ZZEF1: variants seen among roughly 807,000 people sequenced by gnomAD.
The protein encoded by ZZEF1 is zinc finger ZZ-type and EF-hand domain containing 1.
In ZZEF1, 157 loss-of-function variants were observed where a neutral mutation model predicts 342.8. The observed-to-expected ratio is 0.46, with a 90% CI of 0.40 to 0.52. The LOEUF (loss-of-function observed/expected upper bound fraction) is 0.52, where lower values mean the gene tolerates loss of function less well. Among genes scored for constraint, ZZEF1 ranks in the 20% least tolerant of loss-of-function variants. ZZEF1 has a pLI of 0.00. For synonymous variants in ZZEF1, 1,505 were observed against 1,429.1 expected (o/e 1.05, Z -1.20); for missense variants, 3,480 against 3,725.6 (o/e 0.93, Z 1.72).
rs2057725863 is a variant in ZZEF1 at position 4,081,621 on chromosome 17, GGAAT to G, written c.2715-135_2715-132del. On this transcript the variant is annotated intron_variant, in intron 17 of 54. Transcript: ENST00000381638. ...CATGGGATGGGAGGAGTTTGGGTCAGGAATACAGGCTGTGGACCCAGCTGGGGCT... is the reference window on the plus strand; with the variant it reads ...CATGGGATGGGAGGAGTTTGGGTCAGACAGGCTGTGGACCCAGCTGGGGCT... 3.0e-5 allele frequency: 22 copies of G among 730,426 alleles called. No homozygotes were observed. In the South Asian group the frequency reaches 3.9e-4, roughly 13 times the overall value. 45.2% of individuals were successfully genotyped at this position (730,426 alleles called of 1,614,324 possible).
rs761611376 is a variant in ZZEF1 at position 4,076,952 on chromosome 17, C to T, written c.3027G>A (p.Leu1009=). The change falls in exon 20 of 55, where the codon TTG becomes TTA. Residue 1009 remains leucine, a synonymous_variant. Coordinates refer to ENST00000381638, the MANE Select transcript of ZZEF1 (RefSeq NM_015113.4). ...CACTGTACTGTGAGAAAAGGGATTCCAAAATCGCTCTCATGCTTGCCAGAA... is the reference window on the plus strand; with the variant it reads ...CACTGTACTGTGAGAAAAGGGATTCTAAAATCGCTCTCATGCTTGCCAGAA... ...GQFLASMRAI[L]ESLFSQYSGK... is the part of the protein sequence containing the mutation. 2 of 1,613,996 alleles carry T rather than the reference C, an allele frequency of 1.2e-6. No individual in the cohort carries two copies. The highest frequency in any genetic ancestry group is 2.7e-5 in the African/African-American group (2 of 75,028).
At chr17:4,029,187 T>C (rs973931000) in intron 42 of ZZEF1, among the ~76,000 whole-genome samples, 3 of 152,090 alleles carry the variant, frequency 2.0e-5, no homozygotes, top group African/African-American at 7.2e-5. Context: ...ACATGGAAAC[T>C]CCATGAAAAC....
intron 1 of ZZEF1, among the ~76,000 whole-genome samples, chr17:4,131,854 A>C (rs1262044760): frequency 6.6e-6 from 1 of 152,204 alleles, no homozygotes; most frequent in Non-Finnish European, 1.5e-5. Context: ...TAATAAGGTA[A>C]AGGTCAAAGG....
At chr17:4,088,984 C>G in intron 12 of ZZEF1, 91 bp from the exon 13 acceptor site, 2 of 1,230,856 alleles carry the variant, frequency 1.6e-6, no homozygotes, top group Non-Finnish European at 2.3e-6. Context: ...GAAGGTCTTC[C>G]TATGATTTTC....
intron 1 of ZZEF1, among the ~76,000 whole-genome samples, chr17:4,138,896 T>C (rs2058796776): frequency 6.6e-6 from 1 of 152,244 alleles, no homozygotes. Context: ...GAGTCCCTTC[T>C]CCCTGGACCA....
rs995720241 is a variant in ZZEF1 at position 4,088,726 on chromosome 17, C to T, written c.2193G>A (p.Thr731=). 20 of 1,614,202 alleles carry T rather than the reference C, an allele frequency of 1.2e-5. No individual in the cohort carries two copies. Among genetic ancestry groups the T allele is most frequent in the East Asian group, 4.5e-5 (2 of 44,888 alleles). ...TAAACTGAAGGGTCCTGAGGAGCAA[C>T]GTGGCCCCACAGACACTCTCCTCTG... ...KDTEESVCGA[T]LLLRTLQFIQ... The change falls in exon 13 of 55, where the codon ACG becomes ACA. Residue 731 remains threonine (T), a synonymous_variant. Transcript: ENST00000381638.
In ZZEF1 at chr17:4,051,860, T is replaced by C. The variant is rs920468270; in HGVS notation, c.5600+111A>G. 15 of 1,138,892 alleles carry C rather than the reference T, an allele frequency of 1.3e-5. No individual in the cohort carries two copies. The East Asian group carries it at 3.4e-4, about 26-fold the overall frequency. 70.5% of individuals were successfully genotyped at this position (1,138,892 alleles called of 1,614,324 possible). On this transcript the variant is annotated intron_variant, in intron 35 of 54. Transcript: ENST00000381638. Reference sequence around the variant, plus strand: ...GTGTTAGTCTCTTTACTTTTGGTTATGTTTAAATTTTTAAATAAAAAAAAC... The same window carrying C: ...GTGTTAGTCTCTTTACTTTTGGTTACGTTTAAATTTTTAAATAAAAAAAAC...
rs566404821 is a variant in ZZEF1, at chr17:4,120,083, G to A, written c.500-2917C>T. On this transcript the variant is annotated intron_variant, in intron 2 of 54. Transcript: ENST00000381638. ...AAATTCTGTTCCTCAAAGACCAGGC[G>A]CAGTAGCTCATGCCTGTAATCCCAG... is the stretch of plus-strand genomic sequence containing the variant. Among the ~76,000 whole-genome samples the A allele has an allele frequency of 3.3e-5, 5 of 152,256 alleles. No individual in the cohort carries two copies. In the East Asian group the frequency reaches 7.7e-4, roughly 24 times the overall value.
intron 8 of ZZEF1, among the ~76,000 whole-genome samples, chr17:4,103,981 C>A (rs2058168886): frequency 6.6e-6 from 1 of 152,166 alleles, no homozygotes; most frequent in South Asian, 2.1e-4. Context: ...AGACCCAACA[C>A]CACATATTGT....
At chr17:4,035,459 T>C (rs2056639194) in intron 39 of ZZEF1, among the ~76,000 whole-genome samples, 2 of 152,032 alleles carry the variant, frequency 1.3e-5, no homozygotes, top group Admixed American at 1.3e-4. Context: ...GGAGGCCACA[T>C]GGTGTCAGAA....
rs1470805177 is a variant in ZZEF1 at position 4,064,412 on chromosome 17, A to C, written c.4667T>G (p.Val1556Gly). Reference sequence around the variant, plus strand: ...AATGAAGTCCATGACGTCCTTCAGCACAGGGTATTTCTCTTTCACTGTGGG... The same window carrying C: ...AATGAAGTCCATGACGTCCTTCAGCCCAGGGTATTTCTCTTTCACTGTGGG... ...LVPTVKEKYP[V>G]LKDVMDFIKD... The change falls in exon 29 of 55, where the codon GTG becomes GGG. Residue 1556 changes from valine to glycine, a missense_variant. This residue lies in a region of ZZEF1 where 1,528 missense variants were observed against 1,624.1 expected (regional missense o/e 0.94). Coordinates refer to ENST00000381638, the MANE Select transcript of ZZEF1 (RefSeq NM_015113.4). 6 of 1,612,100 alleles carry C rather than the reference A, an allele frequency of 3.7e-6. No homozygotes were observed. In the African/African-American group the frequency reaches 5.3e-5, roughly 14 times the overall value.
intron 21 of ZZEF1, chr17:4,076,425 G>A (rs569278206): frequency 4.9e-5 from 23 of 472,856 alleles, no homozygotes; most frequent in Admixed American, 1.1e-4. Flanking sequence ...GAGCCACTGC[G>A]CCCGGCCTCT....
chr17:4,020,193 G>C (rs189827438), intron 45 of ZZEF1, among the ~76,000 whole-genome samples: 5 of 152,316 alleles, frequency 3.3e-5, no homozygotes, highest in Admixed American at 3.3e-4. Context: ...GCAGTGGTGT[G>C]ATCATAGCTC....
Position 4,104,828 on chromosome 17 carries a change from A to G in ZZEF1, c.1395-17T>C. 6.2e-7 allele frequency: 1 copy of G among 1,605,622 alleles called. No individual in the cohort carries two copies. Among genetic ancestry groups the G allele is most frequent in the Non-Finnish European group, 8.5e-7 (1 of 1,177,094 alleles). ...GAACAGCAGCTATAAGCAAAGAGCA[A>G]AAACTTTTCACTTCTTAAAAACATG... On this transcript the variant is annotated splice_polypyrimidine_tract_variant and intron_variant, in intron 7 of 54. Coordinates refer to ENST00000381638, the MANE Select transcript of ZZEF1 (RefSeq NM_015113.4).
intron 26 of ZZEF1, among the ~76,000 whole-genome samples, 198 bp downstream of exon 26, chr17:4,070,486 G>C (rs913943154): frequency 2.6e-5 from 4 of 152,176 alleles, no homozygotes; most frequent in African/African-American, 9.7e-5. Context: ...CTCAAGGTTA[G>C]GTGCCACACA....
At chr17:4,121,075 G>C (rs2058475086) in intron 2 of ZZEF1, among the ~76,000 whole-genome samples, 1 of 152,190 alleles carries the variant, frequency 6.6e-6, no homozygotes, top group African/African-American at 2.4e-5. Context: ...TGAGTAGGAA[G>C]TCCTAAGTCA....
chr17:4,047,821 G>A (rs1445937521), intron 37 of ZZEF1, among the ~76,000 whole-genome samples: 1 of 147,856 alleles, frequency 6.8e-6, no homozygotes, highest in Non-Finnish European at 1.5e-5. Context: ...GGCGCCTGTA[G>A]TCCCAGTTAC....
chr17:4,057,897 G>T, intron 32 of ZZEF1, 97 bp downstream of exon 32: 1 of 1,284,924 alleles, frequency 7.8e-7, no homozygotes, highest in Non-Finnish European at 1.1e-6. Context: ...GACACAGACA[G>T]TCTAGCTCCG....
At chr17:4,120,945 CA>C (rs1306380054) in intron 2 of ZZEF1, among the ~76,000 whole-genome samples, 1 of 152,140 alleles carries the variant, frequency 6.6e-6, no homozygotes, top group African/African-American at 2.4e-5. Context: ...CCATGAGATA[CA>C]AAAGGAACTA....
Sources: allele counts gnomAD v4.1 joint callset (sites outside exome capture counted in the v4.1 genomes callset), GRCh38; gene constraint gnomAD v4.1.1; regional missense constraint gnomAD v4.1.1; transcripts MANE v1.5; gene names NCBI Gene and HGNC (gene_info 2026-07-23, HGNC 2026-07-21).